SMARCC1: variants seen among roughly 807,000 people sequenced by gnomAD.
SMARCC1 encodes the protein SWI/SNF related BAF chromatin remodeling complex subunit C1.
A neutral mutation model predicts 147.4 loss-of-function variants in SMARCC1; 43 were observed. The ratio of observed to expected loss-of-function variants is 0.29; its 90% CI spans 0.23 to 0.38. The LOEUF is 0.38. Among genes scored for constraint, SMARCC1 ranks in the 10% least tolerant of loss-of-function variants. SMARCC1 has a pLI of 1.00. For missense variants in SMARCC1, 1,119 were observed against 1,381.1 expected (o/e 0.81, Z 3.01); for synonymous variants, 495 against 484.4 (o/e 1.02, Z -0.29).
chr3:47,654,212 G>A (rs2033228930), intron 21 of SMARCC1, among the ~76,000 whole-genome samples: 1 of 151,914 alleles, frequency 6.6e-6, no homozygotes, highest in African/African-American at 2.4e-5. Flanking sequence ...CATAACCACA[G>A]AGAACCAAAA....
intron 24 of SMARCC1, among the ~76,000 whole-genome samples, chr3:47,628,045 C>CTA (rs67933477): frequency 2.7e-4 from 40 of 149,268 alleles, no homozygotes; most frequent in African/African-American, 8.4e-4. Flanking sequence ...AGCATGTCTC[C>CTA]TATATATATA....
chr3:47,728,781 G>A (rs1048514784), intron 6 of SMARCC1, among the ~76,000 whole-genome samples: 2 of 152,054 alleles, frequency 1.3e-5, no homozygotes, highest in African/African-American at 4.8e-5. Flanking sequence ...CATGGTGGTG[G>A]GCGCCTATAT....
rs1198664844 is a variant in SMARCC1 at position 47,650,644 on chromosome 3, T to G, written c.2320+10650A>C. Among the ~76,000 whole-genome samples, 3 of 151,870 alleles carry G rather than the reference T, an allele frequency of 2.0e-5. No individual in the cohort carries two copies. The East Asian group carries it at 5.8e-4, about 30-fold the overall frequency. On this transcript the variant is annotated intron_variant, in intron 21 of 27. Coordinates refer to ENST00000254480, the MANE Select transcript of SMARCC1 (RefSeq NM_003074.4). Reference sequence around the variant, plus strand: ...TAGTCTAAGCAACATAGTGAGACCCTGTCTCTACAATAACTAAAAGAATTA... The same window carrying G: ...TAGTCTAAGCAACATAGTGAGACCCGGTCTCTACAATAACTAAAAGAATTA...
rs149363143 is a variant in SMARCC1 at position 47,633,779 on chromosome 3, T to TACACACACACACACAC, written c.2646+1395_2646+1410dup. On this transcript the variant is annotated intron_variant, in intron 24 of 27. Coordinates refer to ENST00000254480, the MANE Select transcript of SMARCC1 (RefSeq NM_003074.4). ...AAAAAAAAAAATATATATATATATA[T>TACACACACACACACAC]ACACACACACACACACACACACACA... Among the ~76,000 whole-genome samples the TACACACACACACACAC allele has an allele frequency of 6.2e-3, 179 of 28,834 alleles. 12 individuals are homozygous for TACACACACACACACAC. Among genetic ancestry groups the TACACACACACACACAC allele is most frequent in the Non-Finnish European group, 8.5e-3 (122 of 14,420 alleles). The allele number at this position is 28,834 out of a possible 152,430, so 18.9% of individuals were successfully genotyped here. A position where few individuals can be genotyped will look rare whatever the true frequency, so the allele number is the denominator to read the frequency against.
At position 47,687,608 on chromosome 3, in the gene SMARCC1, T is replaced by C. The variant is rs948427306; in HGVS notation, c.1264-1438A>G. Among the ~76,000 whole-genome samples, 10 of 152,170 alleles carry C rather than the reference T, an allele frequency of 6.6e-5. No individual in the cohort carries two copies. The South Asian group carries it at 8.3e-4, about 13-fold the overall frequency. On this transcript the variant is annotated intron_variant, in intron 13 of 27. Transcript: ENST00000254480. ...TGACTTTCCTTTTTAGCTGGGACCA[T>C]AGGCAGGTGCCACCACACCAAGCTA...
At chr3:47,686,205 GAAC>G in intron 13 of SMARCC1, 35 bp from the exon 14 acceptor site, 1 of 1,562,570 alleles carries the variant, frequency 6.4e-7, no homozygotes, top group South Asian at 1.1e-5. Context: ...AAGAAAGAAA[GAAC>G]TACAGAGAGA....
chr3:47,773,846 C>T (rs2034943776), intron 1 of SMARCC1, among the ~76,000 whole-genome samples: 2 of 152,048 alleles, frequency 1.3e-5, no homozygotes, highest in African/African-American at 4.8e-5. Flanking sequence ...GTTGGCCAGG[C>T]TGGTCTTTAA....
rs1476577447 is a variant in SMARCC1, at chr3:47,670,510, G to T, written c.1899+148C>A. ...AAGGTAAGAGGATCGCCTGAGCCTG[G>T]GAGGTAGAGGCTGCACTGAGCTACC... is the stretch of plus-strand genomic sequence containing the variant. On this transcript the variant is annotated intron_variant, in intron 19 of 27. Transcript: ENST00000254480. 6.3e-6 allele frequency: 4 copies of T among 630,842 alleles called. No homozygotes were observed. In the Admixed American group the frequency reaches 1.1e-4, roughly 17 times the overall value. The allele number at this position is 630,842 out of a possible 1,614,324, so 39.1% of individuals were successfully genotyped here. A position where few individuals can be genotyped will look rare whatever the true frequency, so the allele number is the denominator to read the frequency against.
intron 18 of SMARCC1, among the ~76,000 whole-genome samples, chr3:47,673,447 G>A (rs1283487274): frequency 6.8e-6 from 1 of 148,108 alleles, no homozygotes; most frequent in African/African-American, 2.5e-5. Flanking sequence ...GAGCACACCG[G>A]GAGGCCAATG....
intron 6 of SMARCC1, among the ~76,000 whole-genome samples, chr3:47,724,918 T>G (rs879357988): frequency 2.7e-5 from 4 of 150,862 alleles, no homozygotes; most frequent in Middle Eastern, 3.5e-3. Flanking sequence ...ATGTGTGGTG[T>G]TGTGCACCAC....
chr3:47,688,019 G>A (rs1374666257), intron 13 of SMARCC1, among the ~76,000 whole-genome samples: 1 of 152,102 alleles, frequency 6.6e-6, no homozygotes, highest in East Asian at 1.9e-4. Context: ...CAGCACTTTG[G>A]GAGGCCGAGG....
At chr3:47,601,099 C>T (rs1388511652) in intron 26 of SMARCC1, among the ~76,000 whole-genome samples, 1 of 137,556 alleles carries the variant, frequency 7.3e-6, no homozygotes, top group Admixed American at 7.4e-5. Flanking sequence ...GGAGTCTGAC[C>T]TACATACAAG....
intron 16 of SMARCC1, 145 bp from the exon 17 acceptor site, chr3:47,676,927 AT>A (rs2033581849): frequency 1.0e-5 from 7 of 678,314 alleles, no homozygotes; most frequent in Non-Finnish European, 1.5e-5. Flanking sequence ...TACTTGACAG[AT>A]TTTGTTATGT....
chr3:47,726,011 A>C lies in SMARCC1; in HGVS notation c.646+3014T>G, dbSNP rs1386813295. The stretch of plus-strand genomic sequence containing the variant: ...TGGGAGGCGGAAGCTGCAGTGAGCC[A>C]AGATCACGCCACTGCACTCCAGCCT... On this transcript the variant is annotated intron_variant, in intron 6 of 27. Transcript: ENST00000254480. Among the ~76,000 whole-genome samples, 15 of 139,148 alleles carry C rather than the reference A, an allele frequency of 1.1e-4. No individual in the cohort carries two copies. In the Admixed American group the frequency reaches 1.2e-3, roughly 11 times the overall value. The allele number at this position is 139,148 out of a possible 152,430, so 91.3% of individuals were successfully genotyped here. A position where few individuals can be genotyped will look rare whatever the true frequency, so the allele number is the denominator to read the frequency against.
chr3:47,657,147 A>G (rs1188468170), intron 21 of SMARCC1, among the ~76,000 whole-genome samples: 2 of 152,206 alleles, frequency 1.3e-5, no homozygotes, highest in Non-Finnish European at 2.9e-5. Context: ...GAAGGAAGAA[A>G]TAATTCAACA....
intron 18 of SMARCC1, among the ~76,000 whole-genome samples, chr3:47,671,196 A>AAAAAAAAAAAAAAAACAAC (rs753672169): frequency 1.2e-5 from 1 of 81,144 alleles, no homozygotes; most frequent in African/African-American, 4.0e-5. Context: ...AAAAAAAAAA[A>AAAAAAAAAAAAAAAACAAC]AACACACACA....
intron 3 of SMARCC1, among the ~76,000 whole-genome samples, chr3:47,744,540 C>G (rs1248517720): frequency 1.3e-5 from 2 of 152,068 alleles, no homozygotes; most frequent in African/African-American, 4.8e-5. Context: ...ACTTCCCAAC[C>G]ATAAAGTATT....
chr3:47,711,613 T>C (rs573853198), intron 8 of SMARCC1, among the ~76,000 whole-genome samples: 2 of 152,262 alleles, frequency 1.3e-5, no homozygotes, highest in Admixed American at 1.3e-4. Flanking sequence ...TAGAACACTG[T>C]AAAAACAAGA....
At chr3:47,619,408 C>T (rs1377715740) in intron 25 of SMARCC1, among the ~76,000 whole-genome samples, 4 of 152,176 alleles carry the variant, frequency 2.6e-5, no homozygotes, top group Non-Finnish European at 5.9e-5. Context: ...TACAGAAATG[C>T]GAACCCATGA....
Sources: allele counts gnomAD v4.1 joint callset (sites outside exome capture counted in the v4.1 genomes callset), GRCh38; gene constraint gnomAD v4.1.1; transcripts MANE v1.5; gene names NCBI Gene and HGNC (gene_info 2026-07-23, HGNC 2026-07-21).